Variants in TCEA1 observed in about 807,000 individuals in gnomAD.
TCEA1 encodes the protein transcription elongation factor A protein 1.
TCEA1 carries 21 observed loss-of-function variants against 43.8 expected under a neutral mutation model. The ratio of observed to expected loss-of-function variants is 0.48; its 90% CI spans 0.34 to 0.69. The LOEUF (loss-of-function observed/expected upper bound fraction) is 0.69. TCEA1 is among the 30% of genes least tolerant of loss of function. The pLI, the probability that TCEA1 is intolerant of heterozygous loss-of-function variation, is 0.01. For synonymous variants in TCEA1, 104 were observed against 117.5 expected (o/e 0.88, Z 0.75); for missense variants, 250 against 365.1 (o/e 0.68, Z 2.57).
chr8:53,999,600 A>G (rs1183405964), intron 3 of TCEA1: 1 of 247,472 alleles, frequency 4.0e-6, no homozygotes, highest in African/African-American at 2.2e-5. Flanking sequence ...GATAAAGGAT[A>G]CGGCATTCTT....
chr8:53,990,238 TG>T (rs1211893632), intron 4 of TCEA1, among the ~76,000 whole-genome samples: 1 of 151,604 alleles, frequency 6.6e-6, no homozygotes, highest in South Asian at 2.1e-4. Context: ...CTTTTTTTTT[TG>T]GTAGAGAAAG....
chr8:53,971,357 T>A (rs989866556), intron 8 of TCEA1: 4 of 152,422 alleles, frequency 2.6e-5, no homozygotes, highest in African/African-American at 9.7e-5. Context: ...ACGCCTGTAA[T>A]CCCAGCACTT....
intron 6 of TCEA1, among the ~76,000 whole-genome samples, chr8:53,985,588 CTCT>C (rs1387465797): frequency 5.3e-5 from 8 of 152,282 alleles, no homozygotes; most frequent in East Asian, 1.9e-4. Flanking sequence ...CCTCAGCAGG[CTCT>C]TCTTCTCTGC....
intron 2 of TCEA1, among the ~76,000 whole-genome samples, chr8:54,009,145 G>A (rs943569858): frequency 4.6e-5 from 7 of 151,374 alleles, no homozygotes; most frequent in South Asian, 2.1e-4. Flanking sequence ...CGCCTGGCCC[G>A]GATGGCTACT....
At chr8:53,972,688 A>C (rs971799707) in intron 8 of TCEA1, 9 of 638,092 alleles carry the variant, frequency 1.4e-5, no homozygotes, top group Non-Finnish European at 2.1e-5. Flanking sequence ...AGTGTTCCTG[A>C]AGATGCCCCA....
In TCEA1 at chr8:53,978,199, G is replaced by C. The variant is rs1803389951; in HGVS notation, c.825+826C>G. ...GGATCATTCGAGTCTGGAAATTTGG[G>C]ATCAGCCTGGACAATGCAGCAAGAC... On this transcript the variant is annotated intron_variant, in intron 8 of 9. Coordinates refer to ENST00000521604, the MANE Select transcript of TCEA1 (RefSeq NM_006756.4). Among the ~76,000 whole-genome samples the C allele has an allele frequency of 2.0e-5, 3 of 151,902 alleles. No homozygotes were observed. In the South Asian group the frequency reaches 6.2e-4, roughly 32 times the overall value.
chr8:53,981,838 C>T (rs1417241576), intron 7 of TCEA1, among the ~76,000 whole-genome samples: 1 of 151,874 alleles, frequency 6.6e-6, no homozygotes, highest in African/African-American at 2.4e-5. Context: ...CTGAAACCTC[C>T]ACCTCTTGGC....
intron 2 of TCEA1, among the ~76,000 whole-genome samples, chr8:54,003,977 G>A (rs1290723579): frequency 6.6e-6 from 1 of 150,800 alleles, no homozygotes; most frequent in African/African-American, 2.4e-5. Flanking sequence ...ACGGGCAAAG[G>A]ATCTGGATAG....
intron 2 of TCEA1, chr8:54,002,888 T>C (rs1053770891): frequency 4.4e-6 from 2 of 456,258 alleles, no homozygotes; most frequent in Non-Finnish European, 8.8e-6. Context: ...AAGAAAGACA[T>C]TACCTTGGAA....
chr8:53,993,729 C>T lies in TCEA1; in HGVS notation c.259G>A (p.Asp87Asn). ...LDGPSTEKDL[D>N]EKKKEPAITS... is the part of the protein sequence containing the mutation. ...ATTGCAGGTTCTTTCTTCTTTTCGT[C>T]AAGGTCTTTCTCAGTTGATGGCCCA... The change falls in exon 4 of 10, where the codon GAC becomes AAC. Residue 87 changes from aspartate (D) to asparagine (N), a missense_variant. This residue lies in a region of TCEA1 where 147 missense variants were observed against 160.3 expected (regional missense o/e 0.92). Coordinates refer to ENST00000521604, the MANE Select transcript of TCEA1 (RefSeq NM_006756.4). 6.2e-7 allele frequency: 1 copy of T among 1,613,584 alleles called. No homozygotes were observed. The highest frequency in any genetic ancestry group is 8.5e-7 in the Non-Finnish European group (1 of 1,179,744).
At chr8:53,992,951 A>G (rs909852890) in intron 4 of TCEA1, among the ~76,000 whole-genome samples, 3 of 145,254 alleles carry the variant, frequency 2.1e-5, no homozygotes, top group Non-Finnish European at 4.4e-5. Flanking sequence ...CTTATAACAA[A>G]TGGCTTTTTT....
intron 3 of TCEA1, among the ~76,000 whole-genome samples, chr8:53,997,147 A>T (rs1309495548): frequency 6.6e-6 from 1 of 152,020 alleles, no homozygotes; most frequent in Admixed American, 6.6e-5. Context: ...TGACCTCGTG[A>T]TCTGCCTGCC....
At chr8:53,997,662 C>A (rs73590817) in intron 3 of TCEA1, among the ~76,000 whole-genome samples, 18,683 of 152,210 alleles carry the variant, frequency 0.12, 3,111 homozygotes, top group African/African-American at 0.38. Context: ...CTTTGGGAGG[C>A]CAAGGCAGGT....
chr8:53,976,828 G>A (rs1362663464), intron 8 of TCEA1, among the ~76,000 whole-genome samples: 1 of 152,162 alleles, frequency 6.6e-6, no homozygotes, highest in Non-Finnish European at 1.5e-5. Context: ...CAGTGTTGAT[G>A]CATTTTAGTA....
intron 6 of TCEA1, among the ~76,000 whole-genome samples, 170 bp from the exon 7 acceptor site, chr8:53,984,687 T>C (rs1245885304): frequency 6.6e-6 from 1 of 151,732 alleles, no homozygotes; most frequent in Non-Finnish European, 1.5e-5. Context: ...ATCGAGACCA[T>C]CCCGGCTAAC....
chr8:54,014,518 A>G (rs922690305), intron 1 of TCEA1, among the ~76,000 whole-genome samples: 1 of 152,244 alleles, frequency 6.6e-6, no homozygotes, highest in African/African-American at 2.4e-5. Flanking sequence ...AGATGATGCA[A>G]GAGAAAGAAA....
chr8:53,973,512 C>A, intron 8 of TCEA1: 1 of 507,868 alleles, frequency 2.0e-6, no homozygotes, highest in South Asian at 1.7e-5. Context: ...TGAACAAAAT[C>A]TGCAAAAGAT....
intron 1 of TCEA1, among the ~76,000 whole-genome samples, chr8:54,016,412 A>G (rs117675198): frequency 0.018 from 2,789 of 152,262 alleles, 158 homozygotes; most frequent in East Asian, 0.14. Context: ...CGGAGCTTAC[A>G]GTGAGCCATC....
At chr8:53,980,068 G>C (rs946977307) in intron 7 of TCEA1, among the ~76,000 whole-genome samples, 1 of 152,086 alleles carries the variant, frequency 6.6e-6, no homozygotes. Flanking sequence ...CCGCAATAGC[G>C]CAGTCTCAGT....
Sources: allele counts gnomAD v4.1 joint callset (sites outside exome capture counted in the v4.1 genomes callset), GRCh38; gene constraint gnomAD v4.1.1; regional missense constraint gnomAD v4.1.1; transcripts MANE v1.5; gene names NCBI Gene and HGNC (gene_info 2026-07-23, HGNC 2026-07-21).